SCIN: variants seen among roughly 807,000 people sequenced by gnomAD.
SCIN encodes adseverin.
A neutral mutation model predicts 91.8 loss-of-function variants in SCIN; 91 were observed. The ratio of observed to expected loss-of-function variants is 0.99; its 90% CI spans 0.84 to 1.18. SCIN has a LOEUF of 1.18. SCIN is among the 50% of genes most tolerant of loss of function. The probability of loss-of-function intolerance (pLI) is 0.00; values close to 1 mark genes in which losing one functional copy is unlikely to be tolerated. For synonymous variants in SCIN, 367 were observed against 312.6 expected, an observed-to-expected ratio of 1.17 and a Z score of -1.84; for missense variants, 1,087 against 863.9, an observed-to-expected ratio of 1.26 and a Z score of -3.24.
chr7:12,592,848 C>T (rs1029502000), intron 3 of SCIN, among the ~76,000 whole-genome samples: 5 of 152,092 alleles, frequency 3.3e-5, no homozygotes, highest in African/African-American at 4.8e-5. Flanking sequence ...GGTGGCCCCA[C>T]TATCAATTAA....
chr7:12,599,906 G>C (rs1782923347), intron 3 of SCIN, among the ~76,000 whole-genome samples: 1 of 152,094 alleles, frequency 6.6e-6, no homozygotes, highest in East Asian at 1.9e-4. Flanking sequence ...GTAGATTCTT[G>C]ATATTAGTCC....
intron 5 of SCIN, among the ~76,000 whole-genome samples, chr7:12,623,160 A>G (rs963537314): frequency 6.6e-6 from 1 of 152,180 alleles, no homozygotes; most frequent in Non-Finnish European, 1.5e-5. Flanking sequence ...CTAGTTTGCA[A>G]CGATCTTTTG....
intron 4 of SCIN, among the ~76,000 whole-genome samples, chr7:12,616,816 C>G (rs1783308650): frequency 6.6e-6 from 1 of 152,114 alleles, no homozygotes; most frequent in African/African-American, 2.4e-5. Context: ...ATAGACAACA[C>G]AATTGTGGAC....
Position 12,655,117 on chromosome 7 carries a change from C to T in SCIN, c.*2402C>T, listed in dbSNP as rs1373727822. ...TTTGCATAAAACCTATACCATTCTC[C>T]TGTATACTCTAAGTCATCTCTGCGT... On this transcript the variant is annotated 3_prime_UTR_variant, in exon 16 of 16. Transcript: ENST00000297029. 1 of 152,174 alleles carries T rather than the reference C, an allele frequency of 6.6e-6. No individual in the cohort carries two copies. The highest frequency in any genetic ancestry group is 1.5e-5 in the Non-Finnish European group (1 of 68,024). 9.4% of individuals were successfully genotyped at this position (152,174 alleles called of 1,614,324 possible). A position where few individuals can be genotyped will look rare whatever the true frequency, so the allele number is the denominator to read the frequency against.
intron 4 of SCIN, 60 bp downstream of exon 4, chr7:12,604,723 G>GGTGTGTGTGTGTGTGTGTAAGGCAGC (rs78612532): frequency 1.4e-5 from 13 of 919,384 alleles, no homozygotes; most frequent in Non-Finnish European, 2.0e-5. Context: ...GTGTCTGTGT[G>GGTGTGTGTGTGTGTGTGTAAGGCAGC]GTGTGTGTGT....
chr7:12,572,327 T>C (rs1446047402), intron 1 of SCIN, among the ~76,000 whole-genome samples: 1 of 152,236 alleles, frequency 6.6e-6, no homozygotes, highest in African/African-American at 2.4e-5. Context: ...CCTATTATAA[T>C]GTTGTAATAC....
At chr7:12,628,994 A>T (rs778546726) in intron 8 of SCIN, 107 bp from the exon 9 acceptor site, 237 of 945,742 alleles carry the variant, frequency 2.5e-4, no homozygotes, top group Non-Finnish European at 3.4e-4. Context: ...TAAATAATTT[A>T]AAAGTTGTTT....
At position 12,604,721 on chromosome 7, in the gene SCIN, G is replaced by GT; in HGVS notation, c.666+59dup. The GT allele has an allele frequency of 3.6e-6, 5 of 1,372,718 alleles. No homozygotes were observed. The Admixed American group carries it at 8.0e-5, about 22-fold the overall frequency. 85.0% of individuals were successfully genotyped at this position (1,372,718 alleles called of 1,614,324 possible). A position where few individuals can be genotyped will look rare whatever the true frequency, so the allele number is the denominator to read the frequency against. The stretch of plus-strand genomic sequence containing the variant: ...ACCACTCCAACTCGTATGTGTCTGT[G>GT]TGGTGTGTGTGTGTGTGTAAGGCAG... On this transcript the variant is annotated intron_variant, in intron 4 of 15. Transcript: ENST00000297029.
intron 3 of SCIN, among the ~76,000 whole-genome samples, chr7:12,602,823 T>G (rs1425229150): frequency 6.6e-6 from 1 of 152,216 alleles, no homozygotes; most frequent in Non-Finnish European, 1.5e-5. Flanking sequence ...TTTCATATTG[T>G]TCAAACACAT....
chr7:12,576,684 G>A (rs978202928), intron 1 of SCIN, among the ~76,000 whole-genome samples: 7 of 151,932 alleles, frequency 4.6e-5, no homozygotes, highest in African/African-American at 1.7e-4. Flanking sequence ...GTGCTTCAGA[G>A]TCACACAAAC....
intron 3 of SCIN, among the ~76,000 whole-genome samples, chr7:12,598,185 G>T (rs993888200): frequency 1.3e-5 from 2 of 152,158 alleles, no homozygotes; most frequent in African/African-American, 2.4e-5. Context: ...ACTTTCTGTT[G>T]TAGTAATAGG....
chr7:12,636,533 T>C (rs1783756113), intron 10 of SCIN, among the ~76,000 whole-genome samples: 1 of 152,146 alleles, frequency 6.6e-6, no homozygotes, highest in Non-Finnish European at 1.5e-5. Flanking sequence ...GTGAGTGTGA[T>C]ATGTTACAAA....
intron 3 of SCIN, among the ~76,000 whole-genome samples, chr7:12,591,573 G>C (rs1458316019): frequency 6.6e-6 from 1 of 152,144 alleles, no homozygotes; most frequent in African/African-American, 2.4e-5. Flanking sequence ...GGTAAGGACG[G>C]AGCTGACGCA....
chr7:12,610,332 G>C (rs1783165429), intron 4 of SCIN, among the ~76,000 whole-genome samples: 1 of 152,184 alleles, frequency 6.6e-6, no homozygotes, highest in Non-Finnish European at 1.5e-5. Flanking sequence ...AGTGAAGATA[G>C]TTCTTAAGTT....
chr7:12,578,084 G>T lies in SCIN; in HGVS notation c.220G>T (p.Glu74Ter), dbSNP rs1162147830. 1 of 1,546,614 alleles carries T rather than the reference G, an allele frequency of 6.5e-7. No individual in the cohort carries two copies. The highest frequency in any genetic ancestry group is 8.7e-7 in the Non-Finnish European group (1 of 1,144,840). The stretch of plus-strand genomic sequence containing the variant: ...TTTAGGAAAGGAGTGTTCCCAGGAT[G>T]AAAGCACAGCTGCTGCCATCTTCAC... Reference protein sequence around the residue: ...FWLGKECSQDESTAAAIFTVQ... With the variant: ...FWLGKECSQD Residue 74 changes from glutamate to a stop codon, truncating the protein, a stop_gained, in exon 2 of 16, where the codon GAA becomes TAA. Transcript: ENST00000297029. LOFTEE classifies it high-confidence loss of function.
Position 12,636,101 on chromosome 7 carries a change from A to T in SCIN, c.1376A>T (p.Gln459Leu), listed in dbSNP as rs747106254. 1.9e-6 allele frequency: 3 copies of T among 1,613,034 alleles called. No homozygotes were observed. The highest frequency in any genetic ancestry group is 2.5e-6 in the Non-Finnish European group (3 of 1,179,680). Residue 459 changes from glutamine to leucine, a missense_variant, in exon 10 of 16, where the codon CAG becomes CTG. Coordinates refer to ENST00000297029, the MANE Select transcript of SCIN (RefSeq NM_001112706.3). ...ACAACATCTGCGTTCCTGACTGTTC[A>T]GTTGGATCGGTCCCTTGGAGGACAG... is the stretch of plus-strand genomic sequence containing the variant. ...ELTTSAFLTV[Q>L]LDRSLGGQAV... is the part of the protein sequence containing the mutation.
chr7:12,590,689 A>G (rs1008715511), intron 3 of SCIN, among the ~76,000 whole-genome samples: 5 of 152,068 alleles, frequency 3.3e-5, no homozygotes, highest in Admixed American at 2.6e-4. Context: ...TTGCTGCCTC[A>G]TCGGCCTTTC....
chr7:12,621,454 G>A lies in SCIN; in HGVS notation c.667-1347G>A, dbSNP rs577018993. Among the ~76,000 whole-genome samples, 4 of 152,138 alleles carry A rather than the reference G, an allele frequency of 2.6e-5. No homozygotes were observed. In the East Asian group the frequency reaches 7.7e-4, roughly 29 times the overall value. Reference sequence around the variant, plus strand: ...GTGCCTCAAATCCCAGACTGGGTCCGCCCACTGGGAGGTTTCCTAATATTA... The same window carrying A: ...GTGCCTCAAATCCCAGACTGGGTCCACCCACTGGGAGGTTTCCTAATATTA... On this transcript the variant is annotated intron_variant, in intron 4 of 15. Coordinates refer to ENST00000297029, the MANE Select transcript of SCIN (RefSeq NM_001112706.3).
chr7:12,605,121 C>G (rs1480796191), intron 4 of SCIN, among the ~76,000 whole-genome samples: 1 of 152,018 alleles, frequency 6.6e-6, no homozygotes, highest in South Asian at 2.1e-4. Context: ...GCACGATCTC[C>G]ACTCACTGCA....
Sources: gnomAD v4.1 joint callset for allele counts (sites outside exome capture counted in the v4.1 genomes callset) on GRCh38, gnomAD v4.1.1 for gene constraint, MANE v1.5 for transcripts, NCBI Gene and HGNC (gene_info 2026-07-23, HGNC 2026-07-21) for gene names.